The following CDH7 variants were observed in gnomAD, a reference collection of about 807,000 sequenced individuals.
The protein encoded by CDH7 is cadherin 7.
CDH7 carries 25 observed loss-of-function variants against 71.8 expected under a neutral mutation model. The observed-to-expected ratio is 0.35, with a 90% CI of 0.25 to 0.49. The LOEUF (loss-of-function observed/expected upper bound fraction) is 0.49. Ranked by LOEUF, CDH7 falls within the 20% of genes least tolerant of loss-of-function variation. The pLI is 0.99. For synonymous variants in CDH7, 381 were observed against 363.8 expected (o/e 1.05, Z -0.54); for missense variants, 862 against 974.6 (o/e 0.88, Z 1.54).
At chr18:65,779,076 TTGTTTG>T (rs1910076720) in intron 2 of CDH7, among the ~76,000 whole-genome samples, 4 of 145,194 alleles carry the variant, frequency 2.8e-5, no homozygotes, top group African/African-American at 1.1e-4. Context: ...CACTGTTTGT[TTGTTTG>T]TTTTTTTTAA....
chr18:65,878,473 T>A (rs1236652666), intron 11 of CDH7, among the ~76,000 whole-genome samples: 1 of 152,178 alleles, frequency 6.6e-6, no homozygotes, highest in Admixed American at 6.5e-5. Context: ...CTGCAGCTGC[T>A]GTTGTAGCAT....
intron 7 of CDH7, among the ~76,000 whole-genome samples, chr18:65,855,131 T>C (rs571839223): frequency 6.6e-6 from 1 of 152,124 alleles, no homozygotes; most frequent in East Asian, 1.9e-4. Context: ...AAACCTGTGA[T>C]GAGTTTACCA....
At chr18:65,869,475 T>G (rs769343978) in intron 11 of CDH7, among the ~76,000 whole-genome samples, 1 of 152,026 alleles carries the variant, frequency 6.6e-6, no homozygotes, top group Non-Finnish European at 1.5e-5. Flanking sequence ...CATCTGTTGC[T>G]TTTTCTAAGA....
At chr18:65,769,521 A>G (rs1443622518) in intron 2 of CDH7, among the ~76,000 whole-genome samples, 1 of 152,222 alleles carries the variant, frequency 6.6e-6, no homozygotes, top group Non-Finnish European at 1.5e-5. Context: ...TGACTACAGC[A>G]ATTATTTAAG....
chr18:65,772,614 T>C (rs1370746245), intron 2 of CDH7, among the ~76,000 whole-genome samples: 1 of 152,140 alleles, frequency 6.6e-6, no homozygotes, highest in Non-Finnish European at 1.5e-5. Context: ...GCTAAAGTCA[T>C]ACATAAGGCT....
chr18:65,811,966 C>CTTTTTTTTTTTTTTTTTTTT lies in CDH7; in HGVS notation c.505+1987_505+1988insTTTTTTTTTTTTTTTTTTTT, dbSNP rs57594274. Among the ~76,000 whole-genome samples, 37 of 95,878 alleles carry CTTTTTTTTTTTTTTTTTTTT rather than the reference C, an allele frequency of 3.9e-4. 1 individual carries two copies. The highest frequency in any genetic ancestry group is 5.3e-4 in the Non-Finnish European group (28 of 52,908). 62.9% of individuals were successfully genotyped at this position (95,878 alleles called of 152,430 possible). ...ATCACAGTACCTTTTCTTTTCTTTT[C>CTTTTTTTTTTTTTTTTTTTT]TTTTTTTTTTTTTTTTTTTGCGAGA... is the stretch of plus-strand genomic sequence containing the variant. On this transcript the variant is annotated intron_variant, in intron 3 of 11. Coordinates refer to ENST00000397968, the MANE Select transcript of CDH7 (RefSeq NM_004361.5).
In CDH7 at chr18:65,887,026, GTAAC is replaced by G. The variant is rs1261688961; in HGVS notation, c.*6136_*6139del. 1 of 152,050 alleles carries G rather than the reference GTAAC, an allele frequency of 6.6e-6. No homozygotes were observed. Among genetic ancestry groups the G allele is most frequent in the East Asian group, 1.9e-4 (1 of 5,182 alleles). 9.4% of individuals were successfully genotyped at this position (152,050 alleles called of 1,614,324 possible). A position where few individuals can be genotyped will look rare whatever the true frequency, so the allele number is the denominator to read the frequency against. On this transcript the variant is annotated 3_prime_UTR_variant, in exon 12 of 12. Transcript: ENST00000397968. ...TAGAAACAAATATATTAATAACTAT[GTAAC>G]TAATGAGAATGTTGAAAGTACAGCA...
intron 2 of CDH7, among the ~76,000 whole-genome samples, chr18:65,771,803 A>G (rs2143808339): frequency 6.6e-6 from 1 of 152,210 alleles, no homozygotes; most frequent in Admixed American, 6.5e-5. Context: ...TCCTTTTGCC[A>G]TGCAAACGAA....
chr18:65,794,830 C>G (rs1910852505), intron 2 of CDH7, among the ~76,000 whole-genome samples: 1 of 151,994 alleles, frequency 6.6e-6, no homozygotes, highest in Non-Finnish European at 1.5e-5. Flanking sequence ...TAAACTTGGG[C>G]AAAAGCCTGA....
chr18:65,884,063 T>C lies in CDH7; in HGVS notation c.*3169T>C, dbSNP rs1041362023. ...GCCCATTTTGAACAGTTTAATTTAT[T>C]GAAAAATCAGATGCATTTTACTTCT... On this transcript the variant is annotated 3_prime_UTR_variant, in exon 12 of 12. Coordinates refer to ENST00000397968, the MANE Select transcript of CDH7 (RefSeq NM_004361.5). 1 of 152,156 alleles carries C rather than the reference T, an allele frequency of 6.6e-6. No homozygotes were observed. Among genetic ancestry groups the C allele is most frequent in the African/African-American group, 2.4e-5 (1 of 41,464 alleles). 9.4% of individuals were successfully genotyped at this position (152,156 alleles called of 1,614,324 possible). A position where few individuals can be genotyped will look rare whatever the true frequency, so the allele number is the denominator to read the frequency against.
At chr18:65,852,794 C>G (rs535871239) in intron 7 of CDH7, among the ~76,000 whole-genome samples, 6 of 152,108 alleles carry the variant, frequency 3.9e-5, no homozygotes, top group African/African-American at 1.4e-4. Flanking sequence ...ATTAGGCATG[C>G]AAATGGAAGT....
intron 11 of CDH7, among the ~76,000 whole-genome samples, chr18:65,869,987 A>T (rs1247030713): frequency 1.3e-5 from 2 of 152,150 alleles, no homozygotes; most frequent in Non-Finnish European, 2.9e-5. Flanking sequence ...CTATCTCCTT[A>T]ACTCTACAGA....
intron 7 of CDH7, 118 bp from the exon 8 acceptor site, chr18:65,857,698 G>C: frequency 1.0e-6 from 1 of 952,480 alleles, no homozygotes; most frequent in Non-Finnish European, 1.6e-6. Flanking sequence ...TGATTAATAT[G>C]ACAGATCAGA....
intron 2 of CDH7, among the ~76,000 whole-genome samples, chr18:65,773,217 A>G (rs1003616547): frequency 6.6e-5 from 10 of 152,138 alleles, no homozygotes; most frequent in South Asian, 2.1e-4. Context: ...ATTCACCAAA[A>G]AGTATAAATT....
At chr18:65,817,423 A>G (rs1911760590) in intron 4 of CDH7, among the ~76,000 whole-genome samples, 1 of 152,158 alleles carries the variant, frequency 6.6e-6, no homozygotes, top group Non-Finnish European at 1.5e-5. Context: ...ATTTGCTGCC[A>G]GCACTGGAAT....
At chr18:65,800,226 C>T (rs147976053) in intron 2 of CDH7, among the ~76,000 whole-genome samples, 8,155 of 151,984 alleles carry the variant, frequency 0.054, 720 homozygotes, top group African/African-American at 0.18. Context: ...ACTACAGGTG[C>T]GTGCCACCTT....
chr18:65,860,438 A>C (rs1479677558), intron 10 of CDH7, among the ~76,000 whole-genome samples: 2 of 152,190 alleles, frequency 1.3e-5, no homozygotes, highest in Admixed American at 1.3e-4. Flanking sequence ...TATAGTAAAA[A>C]AAACTTACAA....
At chr18:65,757,390 C>T (rs1162881392) in intron 1 of CDH7, among the ~76,000 whole-genome samples, 1 of 151,940 alleles carries the variant, frequency 6.6e-6, no homozygotes, top group Middle Eastern at 3.4e-3. Flanking sequence ...CTTGTTTTTT[C>T]TTTTTGCTTC....
intron 7 of CDH7, among the ~76,000 whole-genome samples, chr18:65,853,060 T>A (rs1327832599): frequency 1.3e-5 from 2 of 152,156 alleles, no homozygotes; most frequent in African/African-American, 4.8e-5. Context: ...AATAAGTGGA[T>A]GGGGCAGAAG....
Sources: allele counts gnomAD v4.1 joint callset (sites outside exome capture counted in the v4.1 genomes callset), GRCh38; gene constraint gnomAD v4.1.1; transcripts MANE v1.5; gene names NCBI Gene and HGNC (gene_info 2026-07-23, HGNC 2026-07-21).